RBFOX1: variants seen among roughly 807,000 people sequenced by gnomAD.
The protein encoded by RBFOX1 is RNA binding protein fox-1 homolog 1.
Under a neutral mutation model 57.7 loss-of-function variants are expected in RBFOX1, and 8 were observed. The ratio of observed to expected loss-of-function variants is 0.14; its 90% CI spans 0.08 to 0.25. The LOEUF is 0.25. RBFOX1 is among the 10% of genes least tolerant of loss of function. The probability of loss-of-function intolerance (pLI) is 1.00; values close to 1 mark genes in which losing one functional copy is unlikely to be tolerated. For missense variants in RBFOX1, 611 were observed against 548.5 expected (o/e 1.11, Z -1.14); for synonymous variants, 326 against 222.4 (o/e 1.47, Z -4.15).
intron 4 of RBFOX1, among the ~76,000 whole-genome samples, chr16:7,214,507 C>G (rs2091703516): frequency 6.6e-6 from 1 of 151,986 alleles, no homozygotes; most frequent in South Asian, 2.1e-4. Context: ...TCTCTCTGGT[C>G]CAAACCTCAT....
At chr16:6,622,916 G>A (rs1161003360) in intron 2 of RBFOX1, among the ~76,000 whole-genome samples, 2 of 152,208 alleles carry the variant, frequency 1.3e-5, no homozygotes, top group African/African-American at 2.4e-5. Flanking sequence ...CCCTCAGAAT[G>A]CTAGTTAATG....
intron 4 of RBFOX1, among the ~76,000 whole-genome samples, chr16:7,276,102 C>G (rs575083718): frequency 6.8e-4 from 103 of 152,232 alleles, no homozygotes; most frequent in African/African-American, 2.3e-3. Context: ...AAATGGAAAC[C>G]AGACAAATCA....
chr16:6,915,554 T>G (rs942121896), intron 3 of RBFOX1, among the ~76,000 whole-genome samples: 1 of 140,866 alleles, frequency 7.1e-6, no homozygotes, highest in Non-Finnish European at 1.5e-5. Context: ...ACCCCCCTTT[T>G]TTTTTTTTTT....
chr16:5,722,390 T>A (rs962332606), intron 3 of RBFOX1, among the ~76,000 whole-genome samples: 1 of 152,216 alleles, frequency 6.6e-6, no homozygotes, highest in Non-Finnish European at 1.5e-5. Context: ...AATATGTTTT[T>A]AATTATATTT....
chr16:5,294,233 A>G (rs541742474), intron 1 of RBFOX1, among the ~76,000 whole-genome samples: 2 of 152,216 alleles, frequency 1.3e-5, no homozygotes, highest in African/African-American at 4.8e-5. Flanking sequence ...TGTCTCAAAA[A>G]CAAAAAACAA....
chr16:6,427,032 T>C lies in RBFOX1; in HGVS notation c.-64+109975T>C, dbSNP rs191249852. The stretch of plus-strand genomic sequence containing the variant: ...AGACTATGGCATGAACTCCTGTGTG[T>C]CTAGTTATTATAGATTAGCCCTGCT... On this transcript the variant is annotated intron_variant, in intron 2 of 15. Coordinates refer to ENST00000550418, the MANE Select transcript of RBFOX1 (RefSeq NM_018723.4). 1.9e-3 allele frequency among the ~76,000 whole-genome samples: 294 copies of C among 152,324 alleles called. 2 individuals carry two copies. Among genetic ancestry groups the C allele is most frequent in the Non-Finnish European group, 3.2e-4 (22 of 68,034 alleles).
At chr16:6,968,120 C>T (rs1199110010) in intron 3 of RBFOX1, among the ~76,000 whole-genome samples, 2 of 152,022 alleles carry the variant, frequency 1.3e-5, no homozygotes, top group African/African-American at 2.4e-5. Flanking sequence ...GAACTTGCAA[C>T]CCCGCACAGA....
intron 1 of RBFOX1, among the ~76,000 whole-genome samples, chr16:6,163,496 A>G (rs1031882584): frequency 2.0e-5 from 3 of 152,192 alleles, no homozygotes; most frequent in Admixed American, 6.5e-5. Context: ...GACAAATCAG[A>G]TAAATCATGG....
intron 2 of RBFOX1, among the ~76,000 whole-genome samples, chr16:6,641,737 A>AAAAAC (rs2098490821): frequency 4.0e-5 from 1 of 25,272 alleles, no homozygotes; most frequent in Non-Finnish European, 7.4e-5. Context: ...TCCGTCTCAA[A>AAAAAC]AAAAAAAAAA....
intron 2 of RBFOX1, among the ~76,000 whole-genome samples, chr16:6,566,019 T>A (rs950162337): frequency 1.3e-5 from 2 of 152,218 alleles, no homozygotes; most frequent in African/African-American, 4.8e-5. Context: ...GGGTCACAGG[T>A]TACACCTCTT....
intron 1 of RBFOX1, chr16:5,270,331 A>T (rs2062973675): frequency 1.3e-6 from 1 of 788,478 alleles, no homozygotes; most frequent in Non-Finnish European, 2.2e-6. Context: ...CCAGGACCCG[A>T]GGAACCCAAA....
chr16:6,807,316 G>A (rs532191414), intron 3 of RBFOX1, among the ~76,000 whole-genome samples: 1 of 152,184 alleles, frequency 6.6e-6, no homozygotes, highest in South Asian at 2.1e-4. Context: ...GGCATACAAT[G>A]AAGAGAACTT....
chr16:5,528,449 C>G (rs900545007), intron 2 of RBFOX1, among the ~76,000 whole-genome samples: 3 of 152,146 alleles, frequency 2.0e-5, no homozygotes, highest in African/African-American at 4.8e-5. Context: ...ACAGAGCAGA[C>G]CACGTTGTTG....
intron 1 of RBFOX1, among the ~76,000 whole-genome samples, chr16:6,114,949 C>T (rs2096483497): frequency 6.6e-6 from 1 of 152,114 alleles, no homozygotes; most frequent in South Asian, 2.1e-4. Context: ...AGACCATTTT[C>T]AGTTACATGC....
In RBFOX1 at chr16:6,241,431, C is replaced by A. The variant is rs138298788; in HGVS notation, c.-126-75564C>A. 3.0e-4 allele frequency among the ~76,000 whole-genome samples: 45 copies of A among 152,146 alleles called. 1 individual carries two copies. Among genetic ancestry groups the A allele is most frequent in the African/African-American group, 1.0e-3 (43 of 41,422 alleles). ...TAATAAATTGTCAAAAATAATAAGA[C>A]TGCTGCCAAGTCTGAAAGCTATAAA... On this transcript the variant is annotated intron_variant, in intron 1 of 15. Coordinates refer to ENST00000550418, the MANE Select transcript of RBFOX1 (RefSeq NM_018723.4).
chr16:5,919,315 C>T (rs760069927), intron 4 of RBFOX1, among the ~76,000 whole-genome samples: 11 of 152,232 alleles, frequency 7.2e-5, no homozygotes, highest in African/African-American at 1.7e-4. Flanking sequence ...CAAAGTGAAA[C>T]GCAGAGCTGT....
At chr16:6,720,958 G>A (rs1020254532) in intron 3 of RBFOX1, among the ~76,000 whole-genome samples, 8 of 152,116 alleles carry the variant, frequency 5.3e-5, no homozygotes, top group African/African-American at 1.9e-4. Flanking sequence ...TACTGGGACA[G>A]TATTAATTCC....
At chr16:7,638,843 T>C (rs1222920946) in intron 11 of RBFOX1, among the ~76,000 whole-genome samples, 1 of 152,100 alleles carries the variant, frequency 6.6e-6, no homozygotes, top group Non-Finnish European at 1.5e-5. Context: ...AGTTTACCCA[T>C]CTCTTTGTCA....
chr16:6,616,556 G>C (rs1481184898), intron 2 of RBFOX1, among the ~76,000 whole-genome samples: 1 of 152,132 alleles, frequency 6.6e-6, no homozygotes, highest in Non-Finnish European at 1.5e-5. Context: ...GGCGTCTGTA[G>C]TCCCAGGTAC....
Sources: allele counts gnomAD v4.1 joint callset (sites outside exome capture counted in the v4.1 genomes callset), GRCh38; gene constraint gnomAD v4.1.1; transcripts MANE v1.5; gene names NCBI Gene and HGNC (gene_info 2026-07-23, HGNC 2026-07-21).